Variants in DLC1 observed in about 807,000 individuals in gnomAD.
The protein encoded by DLC1 is DLC1 Rho GTPase activating protein, also known as rho GTPase-activating protein 7.
Under a neutral mutation model 140.3 loss-of-function variants are expected in DLC1, and 54 were observed. That is an observed-to-expected ratio of 0.38 (90% CI 0.31 to 0.48). The LOEUF (loss-of-function observed/expected upper bound fraction) is 0.48. Among genes scored for constraint, DLC1 ranks in the 20% least tolerant of loss-of-function variants. The probability of loss-of-function intolerance (pLI) is 0.96; values close to 1 mark genes in which losing one functional copy is unlikely to be tolerated. For synonymous variants in DLC1, 986 were observed against 728.1 expected, an observed-to-expected ratio of 1.35 and a Z score of -5.70; for missense variants, 2,536 against 1,907.0, an observed-to-expected ratio of 1.33 and a Z score of -6.14.
chr8:13,328,398 C>A (rs957711081), intron 4 of DLC1, among the ~76,000 whole-genome samples: 3 of 152,004 alleles, frequency 2.0e-5, no homozygotes, highest in African/African-American at 4.8e-5. Flanking sequence ...GGGTTGATTG[C>A]GGGAGTGTAG....
At chr8:13,427,414 C>T (rs934054737) in intron 2 of DLC1, among the ~76,000 whole-genome samples, 1 of 152,200 alleles carries the variant, frequency 6.6e-6, no homozygotes. Flanking sequence ...CCTGCATCAT[C>T]ATTCTAGTGA....
chr8:13,258,697 G>C (rs1480619552), intron 5 of DLC1, among the ~76,000 whole-genome samples: 1 of 152,168 alleles, frequency 6.6e-6, no homozygotes, highest in African/African-American at 2.4e-5. Flanking sequence ...GTAGCCTGTG[G>C]AACATAGTAT....
intron 5 of DLC1, among the ~76,000 whole-genome samples, chr8:13,140,643 G>A (rs1274437870): frequency 6.6e-6 from 1 of 151,732 alleles, no homozygotes; most frequent in Non-Finnish European, 1.5e-5. Context: ...ATTTTTACTA[G>A]TATGTCATCT....
intron 4 of DLC1, among the ~76,000 whole-genome samples, chr8:13,365,672 CAT>C (rs1197520837): frequency 1.3e-5 from 2 of 152,136 alleles, no homozygotes; most frequent in Admixed American, 1.3e-4. Context: ...GGTTTCCAGA[CAT>C]GTGTCATTTC....
At chr8:13,124,798 G>C (rs561550457) in intron 5 of DLC1, among the ~76,000 whole-genome samples, 37 of 152,102 alleles carry the variant, frequency 2.4e-4, no homozygotes, top group Non-Finnish European at 4.9e-4. Flanking sequence ...ACCACCTCTA[G>C]AAAGGGTTCC....
At chr8:13,573,118 A>G (rs1292266852) in intron 1 of DLC1, among the ~76,000 whole-genome samples, 1 of 152,160 alleles carries the variant, frequency 6.6e-6, no homozygotes, top group Admixed American at 6.5e-5. Context: ...TGATGTCTTT[A>G]CGTCTTTTAA....
At chr8:13,353,026 T>C (rs2117038967) in intron 4 of DLC1, among the ~76,000 whole-genome samples, 1 of 152,304 alleles carries the variant, frequency 6.6e-6, no homozygotes, top group East Asian at 1.9e-4. Context: ...GCCCTTTTTA[T>C]TTTAAAATAC....
At chr8:13,520,214 G>A (rs1191465793) in intron 1 of DLC1, among the ~76,000 whole-genome samples, 1 of 152,140 alleles carries the variant, frequency 6.6e-6, no homozygotes, top group East Asian at 1.9e-4. Context: ...AAAAGACTTG[G>A]AACCAACCCA....
chr8:13,225,298 A>T (rs982014093), intron 5 of DLC1, among the ~76,000 whole-genome samples: 3 of 152,336 alleles, frequency 2.0e-5, no homozygotes, highest in Admixed American at 2.0e-4. Flanking sequence ...GGCACTCAAA[A>T]TTGTGTAATC....
chr8:13,393,101 T>C (rs1836839738), intron 4 of DLC1, among the ~76,000 whole-genome samples: 2 of 152,096 alleles, frequency 1.3e-5, no homozygotes, highest in South Asian at 4.1e-4. Context: ...ATCTCTATCA[T>C]CTGTTTCTCC....
chr8:13,249,508 T>A (rs7010125), intron 5 of DLC1, among the ~76,000 whole-genome samples: 19,247 of 152,198 alleles, frequency 0.13, 1,300 homozygotes, highest in South Asian at 0.16. Context: ...CCCATTTCTA[T>A]CAGTCTCAGG....
intron 2 of DLC1, among the ~76,000 whole-genome samples, chr8:13,484,095 G>A (rs1800861587): frequency 1.3e-5 from 2 of 151,948 alleles, no homozygotes; most frequent in Admixed American, 6.6e-5. Flanking sequence ...AAATAAACAA[G>A]TAAATAATGA....
intron 1 of DLC1, among the ~76,000 whole-genome samples, chr8:13,588,139 G>C (rs761498128): frequency 3.0e-4 from 45 of 152,032 alleles, no homozygotes; most frequent in Non-Finnish European, 2.8e-4. Context: ...CATGGTTCTA[G>C]CTCAACTGAT....
At chr8:13,161,305 G>C (rs1824678693) in intron 5 of DLC1, among the ~76,000 whole-genome samples, 1 of 152,070 alleles carries the variant, frequency 6.6e-6, no homozygotes, top group African/African-American at 2.4e-5. Context: ...CAGTGAAAGG[G>C]AGGTGATCAG....
chr8:13,371,225 T>G (rs564561571), intron 4 of DLC1, among the ~76,000 whole-genome samples: 1 of 152,342 alleles, frequency 6.6e-6, no homozygotes, highest in South Asian at 2.1e-4. Flanking sequence ...CTCCTCTTCC[T>G]CTTTGCTATT....
intron 4 of DLC1, among the ~76,000 whole-genome samples, chr8:13,314,717 C>A (rs975196563): frequency 6.6e-6 from 1 of 152,154 alleles, no homozygotes; most frequent in African/African-American, 2.4e-5. Context: ...ACCATTAGAT[C>A]AGAACCACAA....
At chr8:13,184,309 A>G (rs976869410) in intron 5 of DLC1, among the ~76,000 whole-genome samples, 6 of 150,700 alleles carry the variant, frequency 4.0e-5, no homozygotes, top group African/African-American at 9.7e-5. Flanking sequence ...TTGTGTCTCT[A>G]TCTCCTTTAG....
intron 2 of DLC1, among the ~76,000 whole-genome samples, chr8:13,466,043 C>T (rs951468415): frequency 6.6e-6 from 1 of 152,200 alleles, no homozygotes; most frequent in Non-Finnish European, 1.5e-5. Context: ...CTACTTGACT[C>T]ACCCCACTGA....
intron 3 of DLC1, among the ~76,000 whole-genome samples, chr8:13,397,308 T>C (rs138987179): frequency 1.3e-5 from 2 of 152,196 alleles, no homozygotes; most frequent in Non-Finnish European, 2.9e-5. Flanking sequence ...ATATAAGATT[T>C]CAGGGGCAGA....
Sources: gnomAD v4.1 joint callset for allele counts (sites outside exome capture counted in the v4.1 genomes callset) on GRCh38, gnomAD v4.1.1 for gene constraint, MANE v1.5 for transcripts, NCBI Gene and HGNC (gene_info 2026-07-23, HGNC 2026-07-21) for gene names.